Variants in SALL2 observed in about 807,000 individuals in gnomAD.
SALL2 encodes spalt like transcription factor 2.
Under a neutral mutation model 58.5 loss-of-function variants are expected in SALL2, and 32 were observed. The observed-to-expected ratio is 0.55, with a 90% CI of 0.41 to 0.74. The LOEUF is 0.74. Ranked by LOEUF, SALL2 falls within the 30% of genes least tolerant of loss-of-function variation. The pLI, the probability that SALL2 is intolerant of heterozygous loss-of-function variation, is 0.00. For synonymous variants in SALL2, 516 were observed against 513.6 expected (o/e 1.00, Z -0.06); for missense variants, 1,201 against 1,268.9 (o/e 0.95, Z 0.81).
In SALL2 at chr14:21,525,724, C is replaced by T; in HGVS notation, c.68-70G>A. 2.0e-6 allele frequency: 3 copies of T among 1,487,100 alleles called. No individual in the cohort carries two copies. The highest frequency in any genetic ancestry group is 2.7e-6 in the Non-Finnish European group (3 of 1,113,404). The allele number at this position is 1,487,100 out of a possible 1,614,324, so 92.1% of individuals were successfully genotyped here. On this transcript the variant is annotated intron_variant, in intron 1 of 1. Coordinates refer to ENST00000537235, the MANE Select transcript of SALL2 (RefSeq NM_001364564.1). The surrounding 1 kb of genome is among the most constrained non-coding windows in gnomAD (Gnocchi z 4.4). ...TTGGGTATACCGAGGCTCTAATTAA[C>T]AAGGAGGCCAGTAACCGCTAGTTGG... is the stretch of plus-strand genomic sequence containing the variant.
rs779037446 is a variant in SALL2, at chr14:21,524,858, T to G, written c.864A>C (p.Gly288=). ...TGGGTTTGTGGCTTCGCCCAACCCCTCCAGCAGAGAAAGGATGCTGTGACC... is the reference window on the plus strand; with the variant it reads ...TGGGTTTGTGGCTTCGCCCAACCCCGCCAGCAGAGAAAGGATGCTGTGACC... ...PLGSQHPFSA[G]GVGRSHKPTP... is the part of the protein sequence containing the mutation. Residue 288 remains glycine, a synonymous_variant, in exon 2 of 2, where the codon GGA becomes GGC. Transcript: ENST00000537235. The G allele has an allele frequency of 6.2e-7, 1 of 1,613,894 alleles. No individual in the cohort carries two copies. The highest frequency in any genetic ancestry group is 1.1e-5 in the South Asian group (1 of 91,064).
rs1280639473 is a variant in SALL2, at chr14:21,525,608, G to A, written c.114C>T (p.Cys38=). The stretch of plus-strand genomic sequence containing the variant: ...ATTCAGTTGGGTCAGTGAATTGTGC[G>A]CAGCACTTGGCACAGACTTGGGGGT... ...EDHPQVCAKC[C]AQFTDPTEFL... Residue 38 remains cysteine (C), a synonymous_variant, in exon 2 of 2, where the codon TGC becomes TGT. Transcript: ENST00000537235. This position sits in a 1 kb window ranked among gnomAD's most constrained non-coding sequence, Gnocchi z 4.4. 3.7e-6 allele frequency: 6 copies of A among 1,604,598 alleles called. No homozygotes were observed. Among genetic ancestry groups the A allele is most frequent in the African/African-American group, 2.7e-5 (2 of 74,830 alleles).
Position 21,524,192 on chromosome 14 carries a change from CACAA to C in SALL2, c.1526_1529del (p.Phe509CysfsTer3). On this transcript the variant is annotated frameshift_variant, in exon 2 of 2. Transcript: ENST00000537235. LOFTEE classifies it high-confidence loss of function. ...TCTTGGGTTCCACTGCTTTCATGAGCACAAACTTATTGAAAGCAGGGAGTCCTGG... is the reference window on the plus strand; with the variant it reads ...TCTTGGGTTCCACTGCTTTCATGAGCACTTATTGAAAGCAGGGAGTCCTGG... The C allele has an allele frequency of 6.2e-7, 1 of 1,612,200 alleles. No homozygotes were observed. Among genetic ancestry groups the C allele is most frequent in the Non-Finnish European group, 8.5e-7 (1 of 1,179,058 alleles).
chr14:21,529,089 G>A (rs1467847528), upstream of SALL2, among the ~76,000 whole-genome samples: 1 of 152,182 alleles, frequency 6.6e-6, no homozygotes, highest in African/African-American at 2.4e-5. Context: ...TGGATCAACA[G>A]CCACCTGTAA....
At position 21,533,010 on chromosome 14, in the gene SALL2, G is replaced by A. The variant is rs562235790; in HGVS notation, c.-114+3952C>T. On this transcript the variant is annotated intron_variant, in intron 1 of 1. Transcript: ENST00000541965. ...AAATAAATAAAATAATAATAATAAC[G>A]GAGTTGGGAGGAAAAAGAGGAAATG... Among the ~76,000 whole-genome samples the A allele has an allele frequency of 3.2e-4, 48 of 151,774 alleles. No homozygotes were observed. The South Asian group carries it at 9.4e-3, about 30-fold the overall frequency.
Position 21,521,385 on chromosome 14 carries a change from A to G in SALL2, c.*1319T>C, listed in dbSNP as rs143426826. The G allele has an allele frequency of 1.7e-4, 26 of 152,448 alleles. No individual in the cohort carries two copies. The highest frequency in any genetic ancestry group is 6.3e-4 in the African/African-American group (26 of 41,564). The allele number at this position is 152,448 out of a possible 1,614,324, so 9.4% of individuals were successfully genotyped here. A position where few individuals can be genotyped will look rare whatever the true frequency, so the allele number is the denominator to read the frequency against. ...ATGACAAAGACACAAGCCCCAGCCTACGGATAGGCAAAATGGGTAGGGGTC... is the reference window on the plus strand; with the variant it reads ...ATGACAAAGACACAAGCCCCAGCCTGCGGATAGGCAAAATGGGTAGGGGTC... On this transcript the variant is annotated 3_prime_UTR_variant, in exon 2 of 2. Transcript: ENST00000537235.
chr14:21,535,335 ACT>A (rs1197954135), intron 1 of SALL2, among the ~76,000 whole-genome samples: 1 of 145,184 alleles, frequency 6.9e-6, no homozygotes, highest in South Asian at 2.2e-4. Flanking sequence ...ACAGAGCGAG[ACT>A]CTCTCTCAAA....
intron 1 of SALL2, among the ~76,000 whole-genome samples, chr14:21,535,990 A>G (rs1892586938): frequency 6.6e-6 from 1 of 152,102 alleles, no homozygotes; most frequent in African/African-American, 2.4e-5. Context: ...GAGCATTAGG[A>G]AATTGAAGTT....
Position 21,525,283 on chromosome 14 carries a change from C to A in SALL2, c.439G>T (p.Ala147Ser). 1.2e-6 allele frequency: 2 copies of A among 1,612,080 alleles called. No homozygotes were observed. Among genetic ancestry groups the A allele is most frequent in the Non-Finnish European group, 1.7e-6 (2 of 1,178,918 alleles). ...GLILASPKLG[A>S]TPLPPESTPA... ...GTCGATTCTGGAGGTAATGGGGTTG[C>A]TCCCAGCTTGGGACTGGCCAAGATC... Residue 147 changes from alanine (A) to serine (S), a missense_variant, in exon 2 of 2, where the codon GCA (alanine) becomes TCA (serine). Around this residue, in one of 3 missense-constraint regions of SALL2, gnomAD observed 467 missense variants for 468.9 expected, o/e 1.00. Transcript: ENST00000537235. The surrounding 1 kb of genome is among the most constrained non-coding windows in gnomAD (Gnocchi z 4.4).
chr14:21,530,140 G>T (rs1892418561), upstream of SALL2, among the ~76,000 whole-genome samples: 1 of 152,164 alleles, frequency 6.6e-6, no homozygotes, highest in Admixed American at 6.5e-5. Flanking sequence ...TGAAAAATCT[G>T]CTTCCATGAA....
chr14:21,522,302 T>C lies in SALL2; in HGVS notation c.*402A>G. On this transcript the variant is annotated 3_prime_UTR_variant, in exon 2 of 2. Coordinates refer to ENST00000537235, the MANE Select transcript of SALL2 (RefSeq NM_001364564.1). The stretch of plus-strand genomic sequence containing the variant: ...GAGCAGAAAGGTCACCCCAGAGGAG[T>C]GGCACTGGGCCCTCCAGAGACAGCT... 1 of 1,514,938 alleles carries C rather than the reference T, an allele frequency of 6.6e-7. No individual in the cohort carries two copies. Among genetic ancestry groups the C allele is most frequent in the Non-Finnish European group, 8.8e-7 (1 of 1,132,746 alleles). 93.8% of individuals were successfully genotyped at this position (1,514,938 alleles called of 1,614,324 possible).
chr14:21,530,402 C>G (rs1436738213), upstream of SALL2, among the ~76,000 whole-genome samples: 1 of 150,610 alleles, frequency 6.6e-6, no homozygotes, highest in Admixed American at 6.6e-5. Context: ...ATTCTCCTGC[C>G]TCAGCCTTCC....
upstream of SALL2, chr14:21,526,449 G>A (rs1437368339): frequency 2.3e-6 from 3 of 1,323,284 alleles, no homozygotes; most frequent in Non-Finnish European, 2.9e-6. Flanking sequence ...GGGCGTGGGG[G>A]CGGGAGCTCA....
intron 1 of SALL2, chr14:21,536,915 G>T (rs1197327026): frequency 4.3e-6 from 7 of 1,614,052 alleles, no homozygotes; most frequent in East Asian, 2.2e-5. Context: ...TGCTTTCGCC[G>T]AGACATTCCC....
Position 21,525,726 on chromosome 14 carries a change from A to AGGAGGCCAGTAACCGCTAGTTGGGGGTG in SALL2, c.68-100_68-73dup. The AGGAGGCCAGTAACCGCTAGTTGGGGGTG allele has an allele frequency of 5.4e-6, 8 of 1,482,090 alleles. No individual in the cohort carries two copies. Among genetic ancestry groups the AGGAGGCCAGTAACCGCTAGTTGGGGGTG allele is most frequent in the Non-Finnish European group, 6.3e-6 (7 of 1,109,232 alleles). 91.8% of individuals were successfully genotyped at this position (1,482,090 alleles called of 1,614,324 possible). ...GGGTATACCGAGGCTCTAATTAACA[A>AGGAGGCCAGTAACCGCTAGTTGGGGGTG]GGAGGCCAGTAACCGCTAGTTGGGG... On this transcript the variant is annotated intron_variant, in intron 1 of 1. Coordinates refer to ENST00000537235, the MANE Select transcript of SALL2 (RefSeq NM_001364564.1). The surrounding 1 kb of genome is among the most constrained non-coding windows in gnomAD (Gnocchi z 4.4).
intron 1 of SALL2, among the ~76,000 whole-genome samples, chr14:21,533,459 C>A (rs930236275): frequency 2.6e-5 from 4 of 152,090 alleles, no homozygotes; most frequent in African/African-American, 9.7e-5. Flanking sequence ...GGCTGCTGTC[C>A]TGGTTTCTTC....
In SALL2 at chr14:21,524,764, G is replaced by A; in HGVS notation, c.958C>T (p.Pro320Ser). The A allele has an allele frequency of 6.2e-7, 1 of 1,607,506 alleles. No homozygotes were observed. The highest frequency in any genetic ancestry group is 8.5e-7 in the Non-Finnish European group (1 of 1,176,416). Residue 320 changes from proline (P) to serine (S), a missense_variant, in exon 2 of 2, where the codon CCA becomes TCA. Transcript: ENST00000537235. ...GCTGCCAGTAGTCCCGTGGTGCTTG[G>A]GAATGCCAGATGAGGCGAGGCAATC... ...QLIASPHLAF[P>S]STTGLLAAQC...
In SALL2 at chr14:21,525,205, C is replaced by T. The variant is rs1364114031; in HGVS notation, c.517G>A (p.Gly173Ser). 5 of 1,613,676 alleles carry T rather than the reference C, an allele frequency of 3.1e-6. No homozygotes were observed. The highest frequency in any genetic ancestry group is 4.2e-6 in the Non-Finnish European group (5 of 1,179,784). ...AAGATCAGGGGGATATTCAAGTGGC[C>T]ACTGCCTACCCCTGGGGGCGGAGGG... is the stretch of plus-strand genomic sequence containing the variant. Reference protein sequence around the residue: ...PPPPPPGVGSGHLNIPLILEE... With the variant: ...PPPPPPGVGSSHLNIPLILEE... Residue 173 changes from glycine to serine, a missense_variant, in exon 2 of 2, where the codon GGC becomes AGC. Transcript: ENST00000537235. This position sits in a 1 kb window ranked among gnomAD's most constrained non-coding sequence, Gnocchi z 4.4.
At position 21,522,590 on chromosome 14, in the gene SALL2, C is replaced by T; in HGVS notation, c.*114G>A. ...TACAGAAAAGCCACTAGGGACATAA[C>T]ATGTTAAGAACTTAGAGAAAAAGAC... On this transcript the variant is annotated 3_prime_UTR_variant, in exon 2 of 2. Transcript: ENST00000537235. 6.9e-7 allele frequency: 1 copy of T among 1,445,012 alleles called. No individual in the cohort carries two copies. The highest frequency in any genetic ancestry group is 1.6e-5 in the South Asian group (1 of 60,694). 89.5% of individuals were successfully genotyped at this position (1,445,012 alleles called of 1,614,324 possible).
Sources: allele counts gnomAD v4.1 joint callset (sites outside exome capture counted in the v4.1 genomes callset), GRCh38; gene constraint gnomAD v4.1.1; regional missense constraint gnomAD v4.1.1; non-coding constraint Gnocchi (gnomAD v3.1); transcripts MANE v1.5; gene names NCBI Gene and HGNC (gene_info 2026-07-23, HGNC 2026-07-21).